COL5A2: variants seen among roughly 807,000 people sequenced by gnomAD.
COL5A2 encodes collagen type V alpha 2 chain.
COL5A2 carries 23 observed loss-of-function variants against 208.2 expected under a neutral mutation model. That is an observed-to-expected ratio of 0.11 (90% CI 0.08 to 0.16). COL5A2 has a LOEUF of 0.16. Among genes scored for constraint, COL5A2 ranks in the 10% least tolerant of loss-of-function variants. The pLI is 1.00. For missense variants in COL5A2, 1,590 were observed against 1,956.4 expected, an observed-to-expected ratio of 0.81 and a Z score of 3.53; for synonymous variants, 625 against 628.5, an observed-to-expected ratio of 0.99 and a Z score of 0.08.
chr2:189,048,525 A>G (rs1305645227), intron 44 of COL5A2, among the ~76,000 whole-genome samples: 1 of 152,244 alleles, frequency 6.6e-6, no homozygotes, highest in East Asian at 1.9e-4. Context: ...ATATTTTGAA[A>G]TAGATAACAA....
At chr2:189,059,217 A>C (rs1685968123) in intron 31 of COL5A2, among the ~76,000 whole-genome samples, 2 of 152,092 alleles carry the variant, frequency 1.3e-5, no homozygotes, top group African/African-American at 4.8e-5. Context: ...TCTTTTTTTA[A>C]ACTAATGGAA....
the COL5A2 span, among the ~76,000 whole-genome samples, chr2:189,418,306 G>A: frequency 6.6e-6 from 1 of 152,106 alleles, no homozygotes; most frequent in Admixed American, 6.6e-5. Context: ...GATATGATAA[G>A]AAAATCTTGA....
intron 1 of COL5A2, among the ~76,000 whole-genome samples, chr2:189,191,668 A>T (rs1301391048): frequency 2.6e-5 from 4 of 152,124 alleles, no homozygotes; most frequent in Non-Finnish European, 5.9e-5. Context: ...ATAAATAAAT[A>T]AAGCTAACTG....
the COL5A2 span, among the ~76,000 whole-genome samples, chr2:189,353,316 A>G: frequency 3.8e-3 from 575 of 152,274 alleles, 5 homozygotes; most frequent in African/African-American, 0.013. Flanking sequence ...TTTTTTTCCA[A>G]TTCTGTGAAG....
the COL5A2 span, among the ~76,000 whole-genome samples, chr2:189,435,088 T>C: frequency 1.3e-5 from 2 of 152,188 alleles, no homozygotes; most frequent in African/African-American, 4.8e-5. Flanking sequence ...GGATTCCCTA[T>C]TTAATAAATG....
the COL5A2 span, among the ~76,000 whole-genome samples, chr2:189,371,892 T>C: frequency 6.6e-6 from 1 of 152,170 alleles, no homozygotes; most frequent in Non-Finnish European, 1.5e-5. Flanking sequence ...GCTAGAAAGA[T>C]TAACATGACT....
At chr2:189,117,886 T>C (rs1335870499) in intron 1 of COL5A2, among the ~76,000 whole-genome samples, 3 of 152,136 alleles carry the variant, frequency 2.0e-5, no homozygotes, top group Non-Finnish European at 4.4e-5. Flanking sequence ...TATTCTGATA[T>C]CCTAGAATAG....
the COL5A2 span, among the ~76,000 whole-genome samples, chr2:189,359,126 T>A: frequency 6.6e-6 from 1 of 152,108 alleles, no homozygotes; most frequent in East Asian, 1.9e-4. Context: ...GTGACAAGAG[T>A]GGACATCCTT....
At chr2:189,372,328 T>C in the COL5A2 span, among the ~76,000 whole-genome samples, 2 of 152,226 alleles carry the variant, frequency 1.3e-5, no homozygotes, top group Non-Finnish European at 2.9e-5. Context: ...ATGATCATTA[T>C]AGTACAAATT....
chr2:189,162,921 CA>C (rs1411920115), intron 1 of COL5A2, among the ~76,000 whole-genome samples: 1 of 151,836 alleles, frequency 6.6e-6, no homozygotes, highest in African/African-American at 2.4e-5. Flanking sequence ...CAGCATATTC[CA>C]AAAAAATTCT....
At chr2:189,127,396 A>C (rs960295595) in intron 1 of COL5A2, among the ~76,000 whole-genome samples, 3 of 152,148 alleles carry the variant, frequency 2.0e-5, no homozygotes, top group Middle Eastern at 3.4e-3. Flanking sequence ...TTGCAGCTCT[A>C]ACTAATAGCC....
Position 189,159,009 on chromosome 2 carries a change from C to T in COL5A2, c.97+20499G>A, listed in dbSNP as rs372745806. On this transcript the variant is annotated intron_variant, in intron 1 of 53. Coordinates refer to ENST00000374866, the MANE Select transcript of COL5A2 (RefSeq NM_000393.5). ...AAGTCACACAAATATTTATACTCTA[C>T]GGATTGATTTATTATAAATAGGCAG... Among the ~76,000 whole-genome samples the T allele has an allele frequency of 2.6e-5, 4 of 152,226 alleles. No individual in the cohort carries two copies. In the East Asian group the frequency reaches 5.8e-4, roughly 22 times the overall value.
At chr2:189,298,785 T>A in the COL5A2 span, among the ~76,000 whole-genome samples, 1 of 152,142 alleles carries the variant, frequency 6.6e-6, no homozygotes, top group Non-Finnish European at 1.5e-5. Context: ...ATTTCTCCCC[T>A]AAGGAGGAGT....
intron 50 of COL5A2, among the ~76,000 whole-genome samples, chr2:189,040,899 C>G (rs1685547176): frequency 6.6e-6 from 1 of 152,022 alleles, no homozygotes; most frequent in Non-Finnish European, 1.5e-5. Context: ...CTATTTGATC[C>G]ACATAAGAAG....
chr2:189,377,997 A>G, the COL5A2 span, among the ~76,000 whole-genome samples: 1 of 152,182 alleles, frequency 6.6e-6, no homozygotes, highest in Non-Finnish European at 1.5e-5. Flanking sequence ...AAAATTCCTT[A>G]TAAGAGTTAC....
At chr2:189,248,219 T>C in the COL5A2 span, among the ~76,000 whole-genome samples, 178 of 152,368 alleles carry the variant, frequency 1.2e-3, no homozygotes, top group Non-Finnish European at 2.2e-3. Flanking sequence ...ATTTGTTAGA[T>C]ACAGCTGCAT....
the COL5A2 span, among the ~76,000 whole-genome samples, chr2:189,299,008 T>C: frequency 2.6e-5 from 4 of 152,334 alleles, no homozygotes; most frequent in African/African-American, 7.2e-5. Flanking sequence ...AATATCCTGA[T>C]ACAAAAGCAA....
chr2:189,226,789 A>T (rs1689425972), upstream of COL5A2, among the ~76,000 whole-genome samples: 1 of 152,090 alleles, frequency 6.6e-6, no homozygotes, highest in South Asian at 2.1e-4. Flanking sequence ...CAGCTTTTTG[A>T]GGGGCTGCCC....
chr2:189,430,990 C>T, the COL5A2 span, among the ~76,000 whole-genome samples: 1 of 152,166 alleles, frequency 6.6e-6, no homozygotes, highest in Admixed American at 6.5e-5. Context: ...GATCAGGCAG[C>T]AATATTTGCT....
Sources: gnomAD v4.1 joint callset for allele counts (sites outside exome capture counted in the v4.1 genomes callset) on GRCh38, gnomAD v4.1.1 for gene constraint, MANE v1.5 for transcripts, NCBI Gene and HGNC (gene_info 2026-07-23, HGNC 2026-07-21) for gene names.